ADIPOQ: variants seen among roughly 807,000 people sequenced by gnomAD.
The protein encoded by ADIPOQ is adiponectin, C1Q and collagen domain containing, also known as adiponectin.
A neutral mutation model predicts 16.1 loss-of-function variants in ADIPOQ; 19 were observed. The ratio of observed to expected loss-of-function variants is 1.18; its 90% CI spans 0.82 to 1.73. The LOEUF is 1.73. Among genes scored for constraint, ADIPOQ ranks in the 40% most tolerant of loss-of-function variants. The pLI is 0.00. For missense variants in ADIPOQ, 323 were observed against 308.3 expected (o/e 1.05, Z -0.36); for synonymous variants, 124 against 125.5 (o/e 0.99, Z 0.08).
chr3:186,849,352 A>T (rs1314261839), intron 1 of ADIPOQ, among the ~76,000 whole-genome samples: 1 of 152,226 alleles, frequency 6.6e-6, no homozygotes, highest in Non-Finnish European at 1.5e-5. Context: ...GCAGTGAGGA[A>T]GTTTAAAGAT....
chr3:186,847,750 A>G (rs1711616621), intron 1 of ADIPOQ, among the ~76,000 whole-genome samples: 1 of 152,240 alleles, frequency 6.6e-6, no homozygotes, highest in East Asian at 1.9e-4. Flanking sequence ...AGCATTTTAC[A>G]AAGGCAAAGA....
chr3:186,843,488 C>T (rs1004978263), intron 1 of ADIPOQ, among the ~76,000 whole-genome samples: 1 of 151,874 alleles, frequency 6.6e-6, no homozygotes, highest in Non-Finnish European at 1.5e-5. Flanking sequence ...GGTGAAACCC[C>T]GCCTCTACCA....
rs201997820 is a variant in ADIPOQ, at chr3:186,857,419, C to T, written c.*2715C>T. On this transcript the variant is annotated 3_prime_UTR_variant, in exon 3 of 3. Coordinates refer to ENST00000320741, the MANE Select transcript of ADIPOQ (RefSeq NM_004797.4). ...GCTGTGTTTGAGCTTTCATGAGTTT[C>T]CCAGAGAGACATAGCTGGAAAATTC... is the stretch of plus-strand genomic sequence containing the variant. 2.0e-5 allele frequency: 3 copies of T among 152,172 alleles called. No individual in the cohort carries two copies. The East Asian group carries it at 5.8e-4, about 29-fold the overall frequency. The allele number at this position is 152,172 out of a possible 1,614,324, so 9.4% of individuals were successfully genotyped here. A position where few individuals can be genotyped will look rare whatever the true frequency, so the allele number is the denominator to read the frequency against.
chr3:186,846,631 A>T (rs1464807618), intron 1 of ADIPOQ, among the ~76,000 whole-genome samples: 2 of 152,272 alleles, frequency 1.3e-5, no homozygotes, highest in Middle Eastern at 3.4e-3. Flanking sequence ...CCAGTCCCAG[A>T]GGGGACCCTG....
At position 186,853,180 on chromosome 3, in the gene ADIPOQ, CGGGCATCCCA is replaced by C; in HGVS notation, c.131_140del (p.Pro44ArgfsTer122). ...AAGGGGGCCTGCACAGGTTGGATGG[CGGGCATCCCA>C]GGGCATCCGGGCCATAATGGGGCCC... is the stretch of plus-strand genomic sequence containing the variant. On this transcript the variant is annotated frameshift_variant, in exon 2 of 3. Coordinates refer to ENST00000320741, the MANE Select transcript of ADIPOQ (RefSeq NM_004797.4). LOFTEE classifies it high-confidence loss of function. 6.2e-7 allele frequency: 1 copy of C among 1,614,034 alleles called. No homozygotes were observed. Among genetic ancestry groups the C allele is most frequent in the Non-Finnish European group, 8.5e-7 (1 of 1,179,952 alleles).
intron 1 of ADIPOQ, among the ~76,000 whole-genome samples, chr3:186,850,934 A>G (rs888842950): frequency 2.0e-5 from 3 of 151,998 alleles, no homozygotes; most frequent in Non-Finnish European, 4.4e-5. Flanking sequence ...TTATATGTAT[A>G]TACAAAATTT....
chr3:186,853,855 T>G (rs1223370702), intron 2 of ADIPOQ: 3 of 276,374 alleles, frequency 1.1e-5, no homozygotes, highest in African/African-American at 6.7e-5. Flanking sequence ...GTAGGCAGAA[T>G]AGAGGAGGAG....
At chr3:186,843,188 C>T (rs1404503995) in intron 1 of ADIPOQ, among the ~76,000 whole-genome samples, 2 of 152,296 alleles carry the variant, frequency 1.3e-5, no homozygotes, top group East Asian at 3.9e-4. Flanking sequence ...GCACTGACTT[C>T]AGACTGGAAT....
At position 186,854,811 on chromosome 3, in the gene ADIPOQ, A is replaced by G. The variant is rs1711934523; in HGVS notation, c.*107A>G. On this transcript the variant is annotated 3_prime_UTR_variant, in exon 3 of 3. Transcript: ENST00000320741. ...ATTATTTAGTTGGAGGCCTTTAGAT[A>G]TTATTCATTCATTTACTCATTCATT... is the stretch of plus-strand genomic sequence containing the variant. 2 of 1,415,856 alleles carry G rather than the reference A, an allele frequency of 1.4e-6. No homozygotes were observed. Among genetic ancestry groups the G allele is most frequent in the Non-Finnish European group, 2.0e-6 (2 of 1,019,272 alleles). The allele number at this position is 1,415,856 out of a possible 1,614,324, so 87.7% of individuals were successfully genotyped here.
At chr3:186,843,395 C>T (rs1172059159) in intron 1 of ADIPOQ, among the ~76,000 whole-genome samples, 2 of 152,178 alleles carry the variant, frequency 1.3e-5, no homozygotes, top group Non-Finnish European at 2.9e-5. Context: ...CATGGTGGCT[C>T]ACACCTGTAA....
chr3:186,846,665 C>T (rs1046905082), intron 1 of ADIPOQ, among the ~76,000 whole-genome samples: 1 of 152,194 alleles, frequency 6.6e-6, no homozygotes, highest in African/African-American at 2.4e-5. Flanking sequence ...CAGGATTCTG[C>T]TGTTGCAACT....
chr3:186,848,495 A>G (rs1260384260), intron 1 of ADIPOQ, among the ~76,000 whole-genome samples: 1 of 152,248 alleles, frequency 6.6e-6, no homozygotes, highest in African/African-American at 2.4e-5. Context: ...TTTCCATCGC[A>G]TCACGGTGCC....
intron 1 of ADIPOQ, among the ~76,000 whole-genome samples, chr3:186,849,041 G>A (rs963799169): frequency 1.2e-4 from 18 of 152,254 alleles, no homozygotes; most frequent in Admixed American, 3.9e-4. Context: ...TGAAGTTTGG[G>A]GACAAACAGT....
At chr3:186,851,575 A>T (rs970158898) in intron 1 of ADIPOQ, among the ~76,000 whole-genome samples, 1 of 152,040 alleles carries the variant, frequency 6.6e-6, no homozygotes, top group South Asian at 2.1e-4. Context: ...TCCAGAATAC[A>T]TATTTCAAAT....
rs1344835150 is a variant in ADIPOQ, at chr3:186,854,208, T to G, written c.239T>G (p.Ile80Ser). ...GGTCTTATTGGTCCTAAGGGAGACA[T>G]CGGTGAAACCGGAGTACCCGGGGCT... ...DPGLIGPKGDIGETGVPGAEG... is the reference protein window; with the variant it reads ...DPGLIGPKGDSGETGVPGAEG... The change falls in exon 3 of 3, where the codon ATC (isoleucine) becomes AGC (serine). Residue 80 changes from isoleucine to serine, a missense_variant. Physicochemically the swap from Ile to Ser is moderately radical, Grantham distance 142. Transcript: ENST00000320741. 6.2e-7 allele frequency: 1 copy of G among 1,613,452 alleles called. No individual in the cohort carries two copies. The highest frequency in any genetic ancestry group is 8.5e-7 in the Non-Finnish European group (1 of 1,179,552).
chr3:186,844,666 C>T (rs1487079084), intron 1 of ADIPOQ, among the ~76,000 whole-genome samples: 1 of 152,146 alleles, frequency 6.6e-6, no homozygotes, highest in African/African-American at 2.4e-5. Context: ...ATCTTAGCCT[C>T]CTGAGTAGCT....
rs1028816258 is a variant in ADIPOQ at position 186,856,027 on chromosome 3, T to G, written c.*1323T>G. On this transcript the variant is annotated 3_prime_UTR_variant, in exon 3 of 3. Coordinates refer to ENST00000320741, the MANE Select transcript of ADIPOQ (RefSeq NM_004797.4). ...TTTTAAGTATCAATCCTTGTTCAGC[T>G]GGACAATATGAATCTTTTCCACTGA... is the stretch of plus-strand genomic sequence containing the variant. 1 of 152,238 alleles carries G rather than the reference T, an allele frequency of 6.6e-6. No homozygotes were observed. The highest frequency in any genetic ancestry group is 1.5e-5 in the Non-Finnish European group (1 of 68,044). 9.4% of individuals were successfully genotyped at this position (152,238 alleles called of 1,614,324 possible).
rs1189581189 is a variant in ADIPOQ, at chr3:186,854,540, GA to G, written c.575del (p.Asn192IlefsTer57). 6.2e-7 allele frequency: 1 copy of G among 1,614,082 alleles called. No individual in the cohort carries two copies. Among genetic ancestry groups the G allele is most frequent in the African/African-American group, 1.3e-5 (1 of 74,928 alleles). On this transcript the variant is annotated frameshift_variant, in exon 3 of 3. Transcript: ENST00000320741. LOFTEE classifies it high-confidence loss of function. Reference sequence around the variant, plus strand: ...GCTCTTCACCTATGATCAGTACCAGGAAAATAATGTGGACCAGGCCTCCGGC... The same window carrying G: ...GCTCTTCACCTATGATCAGTACCAGGAAATAATGTGGACCAGGCCTCCGGC... ...AMLFTYDQYQ[E>X]NNVDQASGSV...
chr3:186,847,595 C>T (rs1409789862), intron 1 of ADIPOQ, among the ~76,000 whole-genome samples: 2 of 152,052 alleles, frequency 1.3e-5, no homozygotes, highest in Non-Finnish European at 2.9e-5. Context: ...TTCAAGGGTG[C>T]GCTTAGCTTC....
Sources: allele counts gnomAD v4.1 joint callset (sites outside exome capture counted in the v4.1 genomes callset), GRCh38; gene constraint gnomAD v4.1.1; transcripts MANE v1.5; gene names NCBI Gene and HGNC (gene_info 2026-07-23, HGNC 2026-07-21).